The following DCUN1D1 variants were observed in gnomAD, a reference collection of about 807,000 sequenced individuals.
DCUN1D1 encodes the protein DCN1-like protein 1.
In DCUN1D1, 3 loss-of-function variants were observed where a neutral mutation model predicts 39.0. The observed-to-expected ratio is 0.08, with a 90% CI of 0.04 to 0.20. The LOEUF (loss-of-function observed/expected upper bound fraction) is 0.20. Among genes scored for constraint, DCUN1D1 ranks in the 10% least tolerant of loss-of-function variants. The pLI is 1.00. For missense variants in DCUN1D1, 158 were observed against 302.4 expected, an observed-to-expected ratio of 0.52 and a Z score of 3.54; for synonymous variants, 82 against 96.3, an observed-to-expected ratio of 0.85 and a Z score of 0.87.
chr3:182,950,637 C>CAA (rs1392657049), intron 4 of DCUN1D1: 1 of 152,042 alleles, frequency 6.6e-6, no homozygotes, highest in Non-Finnish European at 1.5e-5. Context: ...AAATAGCACT[C>CAA]AGAGTCTTCT....
chr3:182,957,604 CAA>C (rs1020896131), intron 4 of DCUN1D1, among the ~76,000 whole-genome samples: 5 of 151,578 alleles, frequency 3.3e-5, no homozygotes, highest in African/African-American at 1.2e-4. Flanking sequence ...CCAACCTAGG[CAA>C]GAGAGCCAGA....
chr3:182,982,767 A>G (rs73066935), upstream of DCUN1D1, among the ~76,000 whole-genome samples: 3 of 151,708 alleles, frequency 2.0e-5, no homozygotes, highest in South Asian at 2.1e-4. Context: ...CTCAGCCCCC[A>G]CCGAGTAGCT....
At chr3:182,984,364 A>C (rs1728658531), upstream of DCUN1D1, among the ~76,000 whole-genome samples, 2 of 152,256 alleles carry the variant, frequency 1.3e-5, no homozygotes, top group South Asian at 4.1e-4. Flanking sequence ...ATGGAAAAGC[A>C]TCCTGAAGAT....
intron 1 of DCUN1D1, among the ~76,000 whole-genome samples, chr3:182,970,453 A>AT (rs1371672026): frequency 3.3e-5 from 5 of 152,196 alleles, no homozygotes; most frequent in Non-Finnish European, 5.9e-5. Context: ...TTAATAAGTG[A>AT]TTTTTTAACA....
At chr3:182,981,433 C>CT (rs1420460184), upstream of DCUN1D1, among the ~76,000 whole-genome samples, 2 of 152,240 alleles carry the variant, frequency 1.3e-5, no homozygotes, top group Non-Finnish European at 2.9e-5. Flanking sequence ...GGATTCTGAG[C>CT]TGAGGATCAA....
At chr3:182,975,958 G>A (rs772947778) in intron 1 of DCUN1D1, among the ~76,000 whole-genome samples, 8 of 150,716 alleles carry the variant, frequency 5.3e-5, no homozygotes, top group Non-Finnish European at 1.0e-4. Flanking sequence ...GTACCTTCTC[G>A]ATAAATGTTA....
chr3:182,966,282 C>T, intron 1 of DCUN1D1, among the ~76,000 whole-genome samples: 1 of 152,164 alleles, frequency 6.6e-6, no homozygotes. Flanking sequence ...CCCAACACCA[C>T]CTACCTTGTT....
intron 1 of DCUN1D1, among the ~76,000 whole-genome samples, chr3:182,978,692 A>C (rs1231749130): frequency 2.0e-5 from 3 of 152,354 alleles, no homozygotes; most frequent in Non-Finnish European, 2.9e-5. Context: ...TGAGTTAGCT[A>C]AACCAGAGAA....
chr3:182,974,044 G>A (rs1289359167), intron 1 of DCUN1D1, among the ~76,000 whole-genome samples: 1 of 151,794 alleles, frequency 6.6e-6, no homozygotes, highest in East Asian at 1.9e-4. Flanking sequence ...TTGAGGTCAG[G>A]AGTTCGAGAC....
At chr3:182,958,288 C>T in intron 4 of DCUN1D1, among the ~76,000 whole-genome samples, 1 of 151,020 alleles carries the variant, frequency 6.6e-6, no homozygotes, top group East Asian at 1.9e-4. Context: ...AATTAATAGA[C>T]TTTTTTAGTT....
At chr3:182,958,313 A>C (rs900402708) in intron 4 of DCUN1D1, among the ~76,000 whole-genome samples, 11 of 151,912 alleles carry the variant, frequency 7.2e-5, no homozygotes, top group Admixed American at 6.6e-5. Flanking sequence ...GTTTATGAAA[A>C]GTTGAGCAGA....
At chr3:182,970,176 A>G (rs1326159375) in intron 1 of DCUN1D1, among the ~76,000 whole-genome samples, 1 of 152,100 alleles carries the variant, frequency 6.6e-6, no homozygotes, top group Non-Finnish European at 1.5e-5. Flanking sequence ...GAAGATGAGG[A>G]TCACTTGAGC....
chr3:182,964,204 A>C (rs1371413853), intron 2 of DCUN1D1, among the ~76,000 whole-genome samples, 155 bp from the exon 3 acceptor site: 1 of 152,232 alleles, frequency 6.6e-6, no homozygotes, highest in African/African-American at 2.4e-5. Context: ...CCCATTATTT[A>C]AAGCCATTCT....
At position 182,957,747 on chromosome 3, in the gene DCUN1D1, G is replaced by C. The variant is rs528052059; in HGVS notation, c.520+3479C>G. Among the ~76,000 whole-genome samples the C allele has an allele frequency of 3.2e-4, 49 of 151,566 alleles. 1 individual carries two copies. In the South Asian group the frequency reaches 7.9e-3, roughly 25 times the overall value. On this transcript the variant is annotated intron_variant, in intron 4 of 6. Transcript: ENST00000292782. ...AAAAGTGAAAAAATAACCAGGCTGGGTAATACCGCAAGTCTCCAGCTCCAC... is the reference window on the plus strand; with the variant it reads ...AAAAGTGAAAAAATAACCAGGCTGGCTAATACCGCAAGTCTCCAGCTCCAC...
At position 182,957,806 on chromosome 3, in the gene DCUN1D1, C is replaced by T. The variant is rs1320224408; in HGVS notation, c.520+3420G>A. Among the ~76,000 whole-genome samples, 3 of 150,546 alleles carry T rather than the reference C, an allele frequency of 2.0e-5. 1 individual carries two copies. Among genetic ancestry groups the T allele is most frequent in the Non-Finnish European group, 4.4e-5 (3 of 67,726 alleles). On this transcript the variant is annotated intron_variant, in intron 4 of 6. Transcript: ENST00000292782. The stretch of plus-strand genomic sequence containing the variant: ...AAAAAATTAGCCTGGCATGGTGGTG[C>T]TTCCCTATATAGTTCCAGCTACTCG...
rs991151584 is a variant in DCUN1D1, at chr3:182,947,524, G to C, written c.603+26C>G. 4 of 1,351,822 alleles carry C rather than the reference G, an allele frequency of 3.0e-6. No homozygotes were observed. The African/African-American group carries it at 4.4e-5, about 15-fold the overall frequency. The allele number at this position is 1,351,822 out of a possible 1,614,324, so 83.7% of individuals were successfully genotyped here. ...ACATAGCAGAATTTGAGAAAACAGA[G>C]AGAAATGTAGAAAATGTGAACTTAC... On this transcript the variant is annotated intron_variant, in intron 5 of 6. Coordinates refer to ENST00000292782, the MANE Select transcript of DCUN1D1 (RefSeq NM_020640.4).
intron 2 of DCUN1D1, 21 bp downstream of exon 2, chr3:182,965,513 TTAA>T (rs1311617354): frequency 6.5e-7 from 1 of 1,535,994 alleles, no homozygotes; most frequent in Non-Finnish European, 8.9e-7. Context: ...CAAAATTTAC[TTAA>T]AGTCACAAGC....
intron 1 of DCUN1D1, among the ~76,000 whole-genome samples, chr3:182,970,251 G>A (rs952468992): frequency 5.3e-4 from 80 of 151,026 alleles, no homozygotes; most frequent in Non-Finnish European, 1.9e-4. Flanking sequence ...GTGACAGAGC[G>A]AAATCTTAAC....
At chr3:182,979,644 T>TA (rs1240615436) in intron 1 of DCUN1D1, among the ~76,000 whole-genome samples, 10 of 142,800 alleles carry the variant, frequency 7.0e-5, no homozygotes, top group South Asian at 2.5e-4. Flanking sequence ...CAAACTGTTT[T>TA]AAAAAAAATC....
Sources: gnomAD v4.1 joint callset for allele counts (sites outside exome capture counted in the v4.1 genomes callset) on GRCh38, gnomAD v4.1.1 for gene constraint, MANE v1.5 for transcripts, NCBI Gene and HGNC (gene_info 2026-07-23, HGNC 2026-07-21) for gene names.